The following CHN2 variants were observed in gnomAD, a reference collection of about 807,000 sequenced individuals.
CHN2 encodes beta-chimaerin.
Under a neutral mutation model 56.3 loss-of-function variants are expected in CHN2, and 35 were observed. The observed-to-expected ratio is 0.62, with a 90% CI of 0.47 to 0.82. The LOEUF (loss-of-function observed/expected upper bound fraction) is 0.82. Ranked by LOEUF, CHN2 falls within the 40% of genes least tolerant of loss-of-function variation. CHN2 has a pLI of 0.00. For synonymous variants in CHN2, 210 were observed against 212.8 expected (o/e 0.99, Z 0.12); for missense variants, 491 against 580.5 (o/e 0.85, Z 1.58).
chr7:29,200,398 CTCCTTCCTTCCTTCTTTCCT>C (rs1784058696), intron 1 of CHN2, among the ~76,000 whole-genome samples: 1 of 135,854 alleles, frequency 7.4e-6, no homozygotes, highest in Non-Finnish European at 1.6e-5. Context: ...CCACCTTCTT[CTCCTTCCTTCCTTCTTTCCT>C]TCCTTCCTTC....
chr7:29,195,627 A>AGTGTGTGTGT (rs1304546305), intron 1 of CHN2, among the ~76,000 whole-genome samples: 22 of 116,814 alleles, frequency 1.9e-4, no homozygotes, highest in African/African-American at 8.8e-4. Flanking sequence ...AGAGAGAGAG[A>AGTGTGTGTGT]GAGTGTGTGT....
intron 1 of CHN2, among the ~76,000 whole-genome samples, chr7:29,273,343 G>GTATGTATATATA (rs1554387186): frequency 1.7e-5 from 1 of 58,214 alleles, no homozygotes; most frequent in Non-Finnish European, 3.5e-5. Context: ...ATATATATGT[G>GTATGTATATATA]TATATATATA....
intron 8 of CHN2, among the ~76,000 whole-genome samples, chr7:29,498,913 C>G (rs1022641737): frequency 6.6e-6 from 1 of 152,022 alleles, no homozygotes; most frequent in African/African-American, 2.4e-5. Flanking sequence ...AGGGGTCCAC[C>G]ACCATGCCCA....
intron 11 of CHN2, 38 bp from the exon 12 acceptor site, chr7:29,509,263 C>G: frequency 6.8e-7 from 1 of 1,475,718 alleles, no homozygotes; most frequent in Non-Finnish European, 9.4e-7. Context: ...TTGAATGCCA[C>G]ACTCTGAACT....
intron 1 of CHN2, among the ~76,000 whole-genome samples, chr7:29,330,947 A>G (rs1796168519): frequency 6.6e-6 from 1 of 152,178 alleles, no homozygotes; most frequent in Non-Finnish European, 1.5e-5. Context: ...AACCCATTTA[A>G]ACATCGCAGT....
chr7:29,506,718 G>A (rs1790611202), intron 10 of CHN2, among the ~76,000 whole-genome samples: 1 of 152,152 alleles, frequency 6.6e-6, no homozygotes, highest in South Asian at 2.1e-4. Flanking sequence ...TAAAGTCCTA[G>A]GGGATCAGGG....
upstream of CHN2, among the ~76,000 whole-genome samples, chr7:29,190,258 G>A (rs889864817): frequency 6.6e-6 from 1 of 152,198 alleles, no homozygotes; most frequent in Non-Finnish European, 1.5e-5. Context: ...TTCAGGGTAC[G>A]GTAGAGTACT....
chr7:29,309,860 G>A (rs563422812), intron 1 of CHN2, among the ~76,000 whole-genome samples: 1 of 152,170 alleles, frequency 6.6e-6, no homozygotes, highest in African/African-American at 2.4e-5. Context: ...GGGCTCATGG[G>A]CCCTGCTGTG....
chr7:29,509,571 G>A (rs887088144), intron 12 of CHN2, 165 bp downstream of exon 12: 13 of 537,820 alleles, frequency 2.4e-5, no homozygotes, highest in Admixed American at 2.1e-4. Flanking sequence ...GGGCGCCACT[G>A]TGATGGCTCA....
At chr7:29,215,622 G>A (rs1279851444) in intron 1 of CHN2, among the ~76,000 whole-genome samples, 2 of 152,046 alleles carry the variant, frequency 1.3e-5, no homozygotes, top group Non-Finnish European at 2.9e-5. Context: ...GGAATTAAAA[G>A]TACTTGTTGC....
Position 29,388,690 on chromosome 7 carries a change from C to T in CHN2, c.145-4989C>T, listed in dbSNP as rs138730790. 6.6e-5 allele frequency among the ~76,000 whole-genome samples: 10 copies of T among 152,248 alleles called. No individual in the cohort carries two copies. In the East Asian group the frequency reaches 1.9e-3, roughly 29 times the overall value. On this transcript the variant is annotated intron_variant, in intron 3 of 12. Coordinates refer to ENST00000222792, the MANE Select transcript of CHN2 (RefSeq NM_004067.4). ...GCTCATTTGAAAGATAATTCAGGAT[C>T]TTAAAATAAGACCACGTAAAAATGA...
chr7:29,488,075 G>A (rs1788237248), intron 7 of CHN2, among the ~76,000 whole-genome samples: 1 of 152,218 alleles, frequency 6.6e-6, no homozygotes, highest in South Asian at 2.1e-4. Context: ...TTAAACTAGG[G>A]CAGCTGCTAA....
intron 6 of CHN2, among the ~76,000 whole-genome samples, chr7:29,413,745 G>A (rs535904817): frequency 2.0e-5 from 3 of 152,164 alleles, no homozygotes; most frequent in Admixed American, 6.5e-5. Flanking sequence ...GTCTGACTTC[G>A]AACAGGCTGT....
chr7:29,472,299 G>GCACACACACACACGCA (rs59917710), intron 6 of CHN2, among the ~76,000 whole-genome samples: 4 of 105,492 alleles, frequency 3.8e-5, no homozygotes, highest in Non-Finnish European at 6.1e-5. Context: ...ACACACACAC[G>GCACACACACACACGCA]CACACACACA....
intron 2 of CHN2, among the ~76,000 whole-genome samples, chr7:29,156,840 C>G (rs1053147888): frequency 2.0e-5 from 3 of 152,172 alleles, no homozygotes; most frequent in Admixed American, 1.3e-4. Flanking sequence ...GATTATGCAC[C>G]TGGAGATCTA....
chr7:29,246,673 T>C (rs1788102887), intron 1 of CHN2, among the ~76,000 whole-genome samples: 1 of 152,128 alleles, frequency 6.6e-6, no homozygotes, highest in Non-Finnish European at 1.5e-5. Flanking sequence ...CTAAACTAGG[T>C]GGCTTATAAA....
chr7:29,465,553 G>A (rs193076571), intron 6 of CHN2, among the ~76,000 whole-genome samples: 208 of 152,290 alleles, frequency 1.4e-3, no homozygotes, highest in African/African-American at 4.8e-3. Flanking sequence ...CTTGGCACAA[G>A]GTCACCCAGT....
chr7:29,329,864 T>C (rs1330898237), intron 1 of CHN2, among the ~76,000 whole-genome samples: 1 of 152,232 alleles, frequency 6.6e-6, no homozygotes, highest in Non-Finnish European at 1.5e-5. Context: ...AGAAGAAATA[T>C]TTTCCTTGAG....
At chr7:29,225,965 G>C (rs1383667739) in intron 1 of CHN2, among the ~76,000 whole-genome samples, 1 of 152,090 alleles carries the variant, frequency 6.6e-6, no homozygotes, top group East Asian at 1.9e-4. Flanking sequence ...AAATAGGATA[G>C]AATTAAACTA....
Sources: gnomAD v4.1 joint callset for allele counts (sites outside exome capture counted in the v4.1 genomes callset) on GRCh38, gnomAD v4.1.1 for gene constraint, MANE v1.5 for transcripts, NCBI Gene and HGNC (gene_info 2026-07-23, HGNC 2026-07-21) for gene names.